CACNA2D3: variants seen among roughly 807,000 people sequenced by gnomAD.
The protein encoded by CACNA2D3 is voltage-dependent calcium channel subunit alpha-2/delta-3.
A neutral mutation model predicts 160.6 loss-of-function variants in CACNA2D3; 60 were observed. The observed-to-expected ratio is 0.37, with a 90% confidence interval of 0.30 to 0.46. The LOEUF (loss-of-function observed/expected upper bound fraction) is 0.46, where lower values mean the gene tolerates loss of function less well. CACNA2D3 is among the 20% of genes least tolerant of loss of function. The pLI is 1.00. For missense variants in CACNA2D3, 1,205 were observed against 1,365.0 expected (o/e 0.88, Z 1.85); for synonymous variants, 558 against 492.9 (o/e 1.13, Z -1.75).
At chr3:54,775,029 T>G (rs1255367465) in intron 13 of CACNA2D3, among the ~76,000 whole-genome samples, 1 of 152,230 alleles carries the variant, frequency 6.6e-6, no homozygotes, top group East Asian at 1.9e-4. Flanking sequence ...AACATAATGT[T>G]GTTAACTTTC....
chr3:54,430,396 C>T (rs966753879), intron 4 of CACNA2D3, among the ~76,000 whole-genome samples: 8 of 152,168 alleles, frequency 5.3e-5, no homozygotes, highest in Non-Finnish European at 1.0e-4. Context: ...TGAGCTTGTT[C>T]AGAATTCTCT....
chr3:54,261,609 G>A (rs1702401287), intron 2 of CACNA2D3, among the ~76,000 whole-genome samples: 1 of 152,174 alleles, frequency 6.6e-6, no homozygotes, highest in African/African-American at 2.4e-5. Flanking sequence ...GCTTCCCCAT[G>A]GGTGGAAGAA....
chr3:54,946,344 T>C (rs1701613955), intron 27 of CACNA2D3, among the ~76,000 whole-genome samples: 1 of 152,218 alleles, frequency 6.6e-6, no homozygotes, highest in South Asian at 2.1e-4. Context: ...TGGTTATTGG[T>C]TGCATAATAT....
chr3:54,987,100 T>C (rs1702631403), intron 30 of CACNA2D3, among the ~76,000 whole-genome samples: 1 of 152,072 alleles, frequency 6.6e-6, no homozygotes, highest in Non-Finnish European at 1.5e-5. Context: ...GGCCATGCTG[T>C]CTCCTCAAGG....
intron 10 of CACNA2D3, among the ~76,000 whole-genome samples, chr3:54,630,260 C>G (rs71301895): frequency 1.3e-5 from 2 of 151,876 alleles, no homozygotes; most frequent in Non-Finnish European, 2.9e-5. Context: ...GACACAGCTC[C>G]CACTACAAAT....
chr3:54,928,029 C>G lies in CACNA2D3; in HGVS notation c.2449+28161C>G, dbSNP rs1017837335. ...AGCTTTACATTCAGTCTTTCTGAACCCTGCCCTTGCTTTTCTTCAATGCAG... is the reference window on the plus strand; with the variant it reads ...AGCTTTACATTCAGTCTTTCTGAACGCTGCCCTTGCTTTTCTTCAATGCAG... On this transcript the variant is annotated intron_variant, in intron 27 of 37. Coordinates refer to ENST00000474759, the MANE Select transcript of CACNA2D3 (RefSeq NM_018398.3). The G allele has an allele frequency of 9.7e-6, 9 of 924,808 alleles. No individual in the cohort carries two copies. The Admixed American group carries it at 1.5e-4, about 16-fold the overall frequency. 57.3% of individuals were successfully genotyped at this position (924,808 alleles called of 1,614,324 possible).
At chr3:54,305,554 A>C (rs1219149288) in intron 2 of CACNA2D3, among the ~76,000 whole-genome samples, 3 of 152,256 alleles carry the variant, frequency 2.0e-5, no homozygotes, top group African/African-American at 7.2e-5. Flanking sequence ...ATGTACGCTA[A>C]TGATCAGACA....
chr3:54,245,441 C>T (rs1356791367), intron 2 of CACNA2D3, among the ~76,000 whole-genome samples: 1 of 152,032 alleles, frequency 6.6e-6, no homozygotes, highest in Non-Finnish European at 1.5e-5. Flanking sequence ...ACAGTCCTGG[C>T]TCTCATGGTG....
intron 11 of CACNA2D3, among the ~76,000 whole-genome samples, chr3:54,730,117 A>G (rs1445358335): frequency 6.6e-6 from 1 of 152,222 alleles, no homozygotes; most frequent in Non-Finnish European, 1.5e-5. Context: ...CCCACCTGAA[A>G]AAATGTACAC....
At position 54,227,844 on chromosome 3, in the gene CACNA2D3, C is replaced by T. The variant is rs567711249; in HGVS notation, c.205-92598C>T. ...GATTACAGGTGTGAGCCACTGCACC[C>T]GGCCTGTCCACGTCTCTTTTGGTCA... On this transcript the variant is annotated intron_variant, in intron 2 of 37. Transcript: ENST00000474759. Among the ~76,000 whole-genome samples, 45 of 152,242 alleles carry T rather than the reference C, an allele frequency of 3.0e-4. No homozygotes were observed. In the South Asian group the frequency reaches 7.3e-3, roughly 25 times the overall value.
At chr3:54,643,500 CTA>C (rs769528566) in intron 11 of CACNA2D3, among the ~76,000 whole-genome samples, 3 of 152,056 alleles carry the variant, frequency 2.0e-5, no homozygotes, top group African/African-American at 4.8e-5. Context: ...GCTGAGCTGA[CTA>C]TGTGGGATTC....
Position 54,933,109 on chromosome 3 carries a change from CTTCCTTCTTTCT to C in CACNA2D3, c.2449+33242_2449+33253del, listed in dbSNP as rs1387266906. 5.2e-3 allele frequency among the ~76,000 whole-genome samples: 527 copies of C among 102,084 alleles called. 6 individuals are homozygous for C. The highest frequency in any genetic ancestry group is 0.01 in the South Asian group (34 of 3,308). 67.0% of individuals were successfully genotyped at this position (102,084 alleles called of 152,430 possible). Reference sequence around the variant, plus strand: ...CCTTCCTTCCTTCCTTCCTTCCTTCCTTCCTTCTTTCTGGACCTCTGCCTTTGGATTTACTAT... The same window carrying C: ...CCTTCCTTCCTTCCTTCCTTCCTTCCGGACCTCTGCCTTTGGATTTACTAT... On this transcript the variant is annotated intron_variant, in intron 27 of 37. Transcript: ENST00000474759.
intron 32 of CACNA2D3, 81 bp downstream of exon 32, chr3:55,004,919 G>T: frequency 1.1e-6 from 1 of 931,422 alleles, no homozygotes. Flanking sequence ...CCTCTTTGGA[G>T]TAATCAAGTT....
chr3:54,905,506 G>A (rs1700432373), intron 27 of CACNA2D3, among the ~76,000 whole-genome samples: 2 of 152,214 alleles, frequency 1.3e-5, no homozygotes, highest in East Asian at 1.9e-4. Flanking sequence ...GTCAGAAAGT[G>A]TGTATCAAGT....
intron 27 of CACNA2D3, among the ~76,000 whole-genome samples, chr3:54,902,183 A>G (rs931465865): frequency 2.0e-5 from 3 of 152,188 alleles, no homozygotes; most frequent in African/African-American, 2.4e-5. Context: ...GTGTACAACT[A>G]TGCAAATAAT....
intron 5 of CACNA2D3, among the ~76,000 whole-genome samples, chr3:54,544,558 T>C (rs2106671144): frequency 6.6e-6 from 1 of 152,288 alleles, no homozygotes; most frequent in South Asian, 2.1e-4. Flanking sequence ...TGTGCACCAC[T>C]GTGCCTAGTC....
chr3:54,928,134 T>C, intron 27 of CACNA2D3: 1 of 550,252 alleles, frequency 1.8e-6, no homozygotes, highest in Non-Finnish European at 3.2e-6. Flanking sequence ...TCAGTTTCCA[T>C]AAGAGGATCT....
chr3:54,328,480 C>G (rs753417835), intron 3 of CACNA2D3, among the ~76,000 whole-genome samples: 1 of 152,092 alleles, frequency 6.6e-6, no homozygotes, highest in African/African-American at 2.4e-5. Flanking sequence ...TGGGATTTCA[C>G]CATGTTGGCC....
intron 4 of CACNA2D3, among the ~76,000 whole-genome samples, chr3:54,423,313 A>C (rs1463118866): frequency 6.6e-6 from 1 of 152,200 alleles, no homozygotes; most frequent in Non-Finnish European, 1.5e-5. Context: ...AGAAGAAATG[A>C]ATTAGAGGGT....
Sources: allele counts gnomAD v4.1 joint callset (sites outside exome capture counted in the v4.1 genomes callset), GRCh38; gene constraint gnomAD v4.1.1; transcripts MANE v1.5; gene names NCBI Gene and HGNC (gene_info 2026-07-23, HGNC 2026-07-21).